Variants in SLC44A1 observed in about 807,000 individuals in gnomAD.
SLC44A1 encodes choline transporter-like protein 1.
In SLC44A1, 26 loss-of-function variants were observed where a neutral mutation model predicts 79.3. The ratio of observed to expected loss-of-function variants is 0.33; its 90% CI spans 0.24 to 0.46. The LOEUF is 0.46. Ranked by LOEUF, SLC44A1 falls within the 20% of genes least tolerant of loss-of-function variation. The pLI is 1.00. For synonymous variants in SLC44A1, 263 were observed against 286.2 expected (o/e 0.92, Z 0.82); for missense variants, 688 against 798.1 (o/e 0.86, Z 1.66).
intron 4 of SLC44A1, among the ~76,000 whole-genome samples, chr9:105,341,960 T>C (rs117774847): frequency 2.6e-5 from 4 of 152,330 alleles, no homozygotes; most frequent in South Asian, 4.1e-4. Context: ...CCAAAACTTA[T>C]GCCCTACAGA....
At chr9:105,254,113 T>A (rs554479161) in intron 1 of SLC44A1, among the ~76,000 whole-genome samples, 33 of 152,312 alleles carry the variant, frequency 2.2e-4, no homozygotes, top group Admixed American at 2.0e-3. Flanking sequence ...AAATTGATTA[T>A]CTCCTATAGG....
At chr9:105,355,540 A>T (rs539191898) in intron 5 of SLC44A1, among the ~76,000 whole-genome samples, 1 of 152,350 alleles carries the variant, frequency 6.6e-6, no homozygotes, top group Admixed American at 6.5e-5. Context: ...GAGATATCAC[A>T]TTAGATATAC....
chr9:105,421,810 A>G (rs1300887795), intron 15 of SLC44A1, among the ~76,000 whole-genome samples: 1 of 151,994 alleles, frequency 6.6e-6, no homozygotes, highest in Non-Finnish European at 1.5e-5. Context: ...GATAGTCTCA[A>G]TCTCCTGACC....
chr9:105,384,381 A>C (rs766908805), intron 14 of SLC44A1, among the ~76,000 whole-genome samples: 1 of 152,044 alleles, frequency 6.6e-6, no homozygotes, highest in Non-Finnish European at 1.5e-5. Flanking sequence ...GGGTTTTACC[A>C]TGTTGGCCAG....
chr9:105,359,608 G>A (rs1195912697), intron 7 of SLC44A1, among the ~76,000 whole-genome samples: 2 of 152,056 alleles, frequency 1.3e-5, no homozygotes, highest in South Asian at 4.2e-4. Context: ...TGGCTATTGT[G>A]AACAGCTTCC....
intron 3 of SLC44A1, among the ~76,000 whole-genome samples, chr9:105,316,921 C>A (rs1831343182): frequency 6.6e-6 from 1 of 152,312 alleles, no homozygotes; most frequent in East Asian, 1.9e-4. Flanking sequence ...CAACGAAGTT[C>A]TGTAAATCAG....
chr9:105,312,655 T>C (rs150946491), intron 3 of SLC44A1, among the ~76,000 whole-genome samples: 1 of 152,338 alleles, frequency 6.6e-6, no homozygotes, highest in African/African-American at 2.4e-5. Context: ...CCAACAGTGT[T>C]TGAGATTGCT....
intron 3 of SLC44A1, among the ~76,000 whole-genome samples, chr9:105,323,050 TAA>T (rs533723900): frequency 5.1e-5 from 7 of 138,508 alleles, no homozygotes; most frequent in Admixed American, 7.2e-5. Flanking sequence ...CCCCGTCTAT[TAA>T]AAAAAAAAAA....
At chr9:105,299,834 T>A in intron 2 of SLC44A1, 3 of 986,598 alleles carry the variant, frequency 3.0e-6, no homozygotes, top group Non-Finnish European at 3.6e-6. Flanking sequence ...CCCTGCTGCC[T>A]GCTGTGTCTG....
intron 15 of SLC44A1, among the ~76,000 whole-genome samples, chr9:105,434,882 T>C (rs1357201299): frequency 6.6e-6 from 1 of 152,242 alleles, no homozygotes; most frequent in Non-Finnish European, 1.5e-5. Context: ...CAATGGCTCA[T>C]GCCTATAATC....
At chr9:105,244,947 C>A (rs1453275925) in intron 1 of SLC44A1, 43 bp downstream of exon 1, 140 of 1,085,190 alleles carry the variant, frequency 1.3e-4, no homozygotes, top group Non-Finnish European at 1.6e-4. Context: ...GGATGCCTCC[C>A]GTGCGCCGCG....
chr9:105,376,314 T>TACACAC (rs33933201), intron 13 of SLC44A1, among the ~76,000 whole-genome samples: 6 of 139,178 alleles, frequency 4.3e-5, no homozygotes, highest in African/African-American at 8.3e-5. Flanking sequence ...TATATATGTA[T>TACACAC]ACACACACAC....
intron 4 of SLC44A1, among the ~76,000 whole-genome samples, chr9:105,340,829 C>G (rs1827065517): frequency 1.3e-5 from 2 of 152,148 alleles, no homozygotes; most frequent in Admixed American, 1.3e-4. Flanking sequence ...TGTAAGAAAT[C>G]TATTTACTAG....
At chr9:105,288,513 T>C (rs1194973292) in intron 1 of SLC44A1, among the ~76,000 whole-genome samples, 1 of 152,182 alleles carries the variant, frequency 6.6e-6, no homozygotes, top group African/African-American at 2.4e-5. Flanking sequence ...CACACCTGGC[T>C]AATTTTTTAA....
chr9:105,370,942 T>A (rs964842072), intron 12 of SLC44A1, among the ~76,000 whole-genome samples: 3 of 152,240 alleles, frequency 2.0e-5, no homozygotes, highest in Non-Finnish European at 4.4e-5. Flanking sequence ...TATGTGTATT[T>A]AATATGGTAG....
At chr9:105,287,006 G>A (rs756498795) in intron 1 of SLC44A1, among the ~76,000 whole-genome samples, 16 of 152,012 alleles carry the variant, frequency 1.1e-4, no homozygotes, top group Non-Finnish European at 1.8e-4. Context: ...GGACAGAAAG[G>A]GTAGAACCCA....
intron 3 of SLC44A1, among the ~76,000 whole-genome samples, chr9:105,311,212 C>A (rs1831171724): frequency 6.6e-6 from 1 of 152,042 alleles, no homozygotes; most frequent in African/African-American, 2.4e-5. Context: ...TTTGAAATAA[C>A]TTTAGACTCA....
At chr9:105,372,021 C>T (rs77232240) in intron 12 of SLC44A1, among the ~76,000 whole-genome samples, 7,356 of 152,216 alleles carry the variant, frequency 0.048, 233 homozygotes, top group South Asian at 0.11. Flanking sequence ...AAAAAAAACA[C>T]TTGGACCACT....
intron 15 of SLC44A1, among the ~76,000 whole-genome samples, chr9:105,411,473 TGTGTGTGTGC>T (rs1024814799): frequency 1.1e-4 from 17 of 148,394 alleles, no homozygotes; most frequent in African/African-American, 4.5e-4. Context: ...TGTGTGTGTG[TGTGTGTGTGC>T]GTGTGCATTT....
Sources: allele counts gnomAD v4.1 joint callset (sites outside exome capture counted in the v4.1 genomes callset), GRCh38; gene constraint gnomAD v4.1.1; transcripts MANE v1.5; gene names NCBI Gene and HGNC (gene_info 2026-07-23, HGNC 2026-07-21).